TTLL6: variants seen among roughly 807,000 people sequenced by gnomAD.
The protein encoded by TTLL6 is tubulin polyglutamylase TTLL6.
Under a neutral mutation model 96.4 loss-of-function variants are expected in TTLL6, and 75 were observed. That is an observed-to-expected ratio of 0.78 (90% CI 0.65 to 0.94). The LOEUF (loss-of-function observed/expected upper bound fraction) is 0.94, where lower values mean the gene tolerates loss of function less well. TTLL6 is among the 40% of genes least tolerant of loss of function. The probability of loss-of-function intolerance (pLI) is 0.00; values close to 1 mark genes in which losing one functional copy is unlikely to be tolerated. For synonymous variants in TTLL6, 411 were observed against 419.4 expected, an observed-to-expected ratio of 0.98 and a Z score of 0.24; for missense variants, 1,030 against 1,093.0, an observed-to-expected ratio of 0.94 and a Z score of 0.81.
rs771677581 is a variant in TTLL6 at position 48,769,875 on chromosome 17, T to C, written c.2263A>G (p.Ser755Gly). Residue 755 changes from serine (S) to glycine (G), a missense_variant, in exon 14 of 16, where the codon AGT becomes GGT. Ser to Gly is a moderately conservative substitution (Grantham distance 56). Transcript: ENST00000393382. The part of the protein sequence containing the change: ...LPTKSKSFWE[S>G]PNTNWTLLKS... ...AGCAAAGTCCAGTTTGTGTTCGGAC[T>C]CTCCCAGAAGCTCTTGGATTTTGTG... 9.9e-6 allele frequency: 16 copies of C among 1,614,214 alleles called. No homozygotes were observed. Among genetic ancestry groups the C allele is most frequent in the Non-Finnish European group, 1.4e-5 (16 of 1,180,046 alleles).
chr17:48,778,671 C>T (rs1358099184), intron 13 of TTLL6, among the ~76,000 whole-genome samples: 3 of 151,674 alleles, frequency 2.0e-5, no homozygotes, highest in Non-Finnish European at 4.4e-5. Context: ...GTGGCTCACA[C>T]CTATAATCCT....
intron 15 of TTLL6, among the ~76,000 whole-genome samples, chr17:48,765,067 C>A (rs1488584053): frequency 6.6e-6 from 1 of 152,260 alleles, no homozygotes; most frequent in South Asian, 2.1e-4. Context: ...AACTGGGGGA[C>A]CTGCTGAATG....
At position 48,791,463 on chromosome 17, in the gene TTLL6, G is replaced by T; in HGVS notation, c.1139C>A (p.Pro380His). 6.2e-7 allele frequency: 1 copy of T among 1,614,180 alleles called. No homozygotes were observed. The change falls in exon 9 of 16, where the codon CCC becomes CAC. Residue 380 changes from proline to histidine, a missense_variant. Physicochemically the swap from Pro to His is moderately conservative, Grantham distance 77. Coordinates refer to ENST00000393382, the MANE Select transcript of TTLL6 (RefSeq NM_001130918.3). Reference sequence around the variant, plus strand: ...GCAGGCGCTGTTGAGTGTGTGGTTGGGGAAGCAGGTGTGGTAGTTATGCCT... The same window carrying T: ...GCAGGCGCTGTTGAGTGTGTGGTTGTGGAAGCAGGTGTGGTAGTTATGCCT... ...IIRHNYHTCF[P>H]NHTLNSACFE...
intron 7 of TTLL6, 39 bp from the exon 8 acceptor site, chr17:48,796,185 AG>A (rs1249273604): frequency 1.3e-6 from 2 of 1,496,054 alleles, no homozygotes; most frequent in African/African-American, 2.8e-5. Context: ...TCAGCTCGGA[AG>A]GGCAGGCCCC....
chr17:48,794,404 T>TGGCAG, intron 8 of TTLL6: 1 of 1,468,560 alleles, frequency 6.8e-7, no homozygotes, highest in East Asian at 2.5e-5. Flanking sequence ...CCCTGTGAGG[T>TGGCAG]GGCAGGGCAG....
At chr17:48,790,147 G>A in intron 9 of TTLL6, 41 bp from the exon 10 acceptor site, 1 of 1,603,984 alleles carries the variant, frequency 6.2e-7, no homozygotes, top group Non-Finnish European at 8.5e-7. Flanking sequence ...AAGCCGTCCA[G>A]AATGAAAGCA....
intron 1 of TTLL6, among the ~76,000 whole-genome samples, chr17:48,808,137 C>T (rs1387391362): frequency 6.6e-6 from 1 of 152,202 alleles, no homozygotes; most frequent in Non-Finnish European, 1.5e-5. Flanking sequence ...CGCGCCCGGC[C>T]ATTTCTAGTT....
chr17:48,796,936 C>A, intron 7 of TTLL6, 125 bp downstream of exon 7: 1 of 1,136,424 alleles, frequency 8.8e-7, no homozygotes, highest in Non-Finnish European at 1.2e-6. Context: ...AAATGAAACC[C>A]GGCACATAGC....
chr17:48,786,666 C>T (rs1426461583), intron 11 of TTLL6, among the ~76,000 whole-genome samples: 2 of 152,172 alleles, frequency 1.3e-5, no homozygotes, highest in Non-Finnish European at 2.9e-5. Context: ...GGGAGAGGGT[C>T]TGGGTAGGAG....
chr17:48,794,662 A>T lies in TTLL6; in HGVS notation c.998+1399T>A, dbSNP rs372525568. Among the ~76,000 whole-genome samples, 31 of 152,184 alleles carry T rather than the reference A, an allele frequency of 2.0e-4. 1 individual carries two copies. The South Asian group carries it at 6.4e-3, about 32-fold the overall frequency. On this transcript the variant is annotated intron_variant, in intron 8 of 15. Transcript: ENST00000393382. Reference sequence around the variant, plus strand: ...GGCTGACATCTTCTGGAAAAGGGGGAGACTGCCTCCCACCAGCCTTCCACA... The same window carrying T: ...GGCTGACATCTTCTGGAAAAGGGGGTGACTGCCTCCCACCAGCCTTCCACA...
In TTLL6 at chr17:48,787,987, G is replaced by A. The variant is rs1003929422; in HGVS notation, c.1413C>T (p.Ala471=). 38 of 1,613,716 alleles carry A rather than the reference G, an allele frequency of 2.4e-5. No homozygotes were observed. The highest frequency in any genetic ancestry group is 3.2e-5 in the Non-Finnish European group (38 of 1,179,890). The stretch of plus-strand genomic sequence containing the variant: ...TTAACTGCACGGCCCGGAAACCCTT[G>A]GCTTCCTCAATCCTGTTGGGAAGCA... ...CCSREMRIEE[A]KGFRAVQLKK... Residue 471 remains alanine, a synonymous_variant, in exon 11 of 16, where the codon GCC becomes GCT. Transcript: ENST00000393382.
At chr17:48,796,618 C>CA (rs10667928) in intron 7 of TTLL6, among the ~76,000 whole-genome samples, 20,805 of 138,208 alleles carry the variant, frequency 0.15, 1,629 homozygotes, top group South Asian at 0.19. Context: ...GACTCCATCT[C>CA]AAAAAAAAAA....
chr17:48,781,787 G>A (rs2038991378), intron 13 of TTLL6, among the ~76,000 whole-genome samples: 1 of 152,128 alleles, frequency 6.6e-6, no homozygotes, highest in African/African-American at 2.4e-5. Flanking sequence ...GGGCCTTTGG[G>A]AGATGACTAG....
chr17:48,810,825 G>GTGTATATATATATA lies in TTLL6; in HGVS notation c.104-5835_104-5834insTATATATATATACA, dbSNP rs368085735. Among the ~76,000 whole-genome samples the GTGTATATATATATA allele has an allele frequency of 1.7e-4, 14 of 84,338 alleles. 1 individual carries two copies. Among genetic ancestry groups the GTGTATATATATATA allele is most frequent in the African/African-American group, 4.9e-4 (12 of 24,680 alleles). The allele number at this position is 84,338 out of a possible 152,430, so 55.3% of individuals were successfully genotyped here. Reference sequence around the variant, plus strand: ...ATATACACATATATAGTATGTGTGTGTATATATATATATATATATATATAT... The same window carrying GTGTATATATATATA: ...ATATACACATATATAGTATGTGTGTGTGTATATATATATATATATATATATATATATATATATAT... On this transcript the variant is annotated intron_variant, in intron 1 of 15. Coordinates refer to ENST00000393382, the MANE Select transcript of TTLL6 (RefSeq NM_001130918.3).
intron 2 of TTLL6, chr17:48,804,248 T>G (rs1244568202): frequency 1.9e-6 from 1 of 536,838 alleles, no homozygotes; most frequent in East Asian, 4.6e-5. Context: ...GGACAGGAAT[T>G]GAAAATATTT....
In TTLL6 at chr17:48,769,913, T is replaced by C. The variant is rs1209419394; in HGVS notation, c.2225A>G (p.Lys742Arg). ...PPHLTQKKML[K>R]SFLPTKSKSF... Reference sequence around the variant, plus strand: ...CTTGGATTTTGTGGGCAGAAAAGATTTTAACATTTTCTTCTGGGTTAAGTG... The same window carrying C: ...CTTGGATTTTGTGGGCAGAAAAGATCTTAACATTTTCTTCTGGGTTAAGTG... The change falls in exon 14 of 16, where the codon AAA becomes AGA. Residue 742 changes from lysine (K) to arginine (R), a missense_variant. Lys to Arg is a conservative substitution (Grantham distance 26). Transcript: ENST00000393382. 10 of 1,614,066 alleles carry C rather than the reference T, an allele frequency of 6.2e-6. No individual in the cohort carries two copies. Among genetic ancestry groups the C allele is most frequent in the African/African-American group, 1.3e-5 (1 of 74,920 alleles).
At chr17:48,773,849 G>A (rs1413893872) in intron 13 of TTLL6, among the ~76,000 whole-genome samples, 1 of 151,584 alleles carries the variant, frequency 6.6e-6, no homozygotes, top group Admixed American at 6.6e-5. Context: ...TTGGGAGGCC[G>A]AAGCGGGTGG....
chr17:48,803,936 A>C lies in TTLL6; in HGVS notation c.324-8T>G. The C allele has an allele frequency of 6.4e-7, 1 of 1,551,754 alleles. No homozygotes were observed. The highest frequency in any genetic ancestry group is 8.7e-7 in the Non-Finnish European group (1 of 1,147,032). Reference sequence around the variant, plus strand: ...GATAGATTGATCACCAATCATCTGGAAAAGAGAAAAAGGAAAGCAGCAAGA... The same window carrying C: ...GATAGATTGATCACCAATCATCTGGCAAAGAGAAAAAGGAAAGCAGCAAGA... On this transcript the variant is annotated splice_polypyrimidine_tract_variant and splice_region_variant and intron_variant, in intron 2 of 15. Transcript: ENST00000393382.
rs148711039 is a variant in TTLL6 at position 48,787,949 on chromosome 17, G to T, written c.1451C>A (p.Thr484Lys). ...CCCTCCACAGTTTTCCTTCTCATAC[G>T]TTTCAGTTTTCTTTAACTGCACGGC... The part of the protein sequence containing the change: ...FRAVQLKKTE[T>K]YEKENCGGFR... Residue 484 changes from threonine to lysine, a missense_variant, in exon 11 of 16, where the codon ACG becomes AAG. Transcript: ENST00000393382. The T allele has an allele frequency of 6.2e-7, 1 of 1,613,942 alleles. No homozygotes were observed. Among genetic ancestry groups the T allele is most frequent in the Non-Finnish European group, 8.5e-7 (1 of 1,180,028 alleles).
Sources: gnomAD v4.1 joint callset for allele counts (sites outside exome capture counted in the v4.1 genomes callset) on GRCh38, gnomAD v4.1.1 for gene constraint, MANE v1.5 for transcripts, NCBI Gene and HGNC (gene_info 2026-07-23, HGNC 2026-07-21) for gene names.